COL21A1: variants seen among roughly 807,000 people sequenced by gnomAD.
COL21A1 encodes the protein collagen alpha-1(XXI) chain.
Under a neutral mutation model 137.9 loss-of-function variants are expected in COL21A1, and 149 were observed. That is an observed-to-expected ratio of 1.08 (90% CI 0.95 to 1.24). The LOEUF (loss-of-function observed/expected upper bound fraction) is 1.24, where lower values mean the gene tolerates loss of function less well. Among genes scored for constraint, COL21A1 ranks in the 50% most tolerant of loss-of-function variants. The pLI, the probability that COL21A1 is intolerant of heterozygous loss-of-function variation, is 0.00. For synonymous variants in COL21A1, 456 were observed against 391.5 expected (o/e 1.16, Z -1.95); for missense variants, 1,167 against 1,158.4 (o/e 1.01, Z -0.11).
chr6:56,326,957 G>A (rs1216272343), intron 1 of COL21A1, among the ~76,000 whole-genome samples: 1 of 151,924 alleles, frequency 6.6e-6, no homozygotes, highest in Admixed American at 6.6e-5. Context: ...CAGAAAAGGG[G>A]GAATTCTTAC....
At chr6:56,256,642 A>G (rs1021366018) in intron 1 of COL21A1, among the ~76,000 whole-genome samples, 1 of 152,168 alleles carries the variant, frequency 6.6e-6, no homozygotes, top group African/African-American at 2.4e-5. Flanking sequence ...ATATAGACTT[A>G]AGATTTTCAA....
At chr6:56,118,415 A>G (rs1425809850) in intron 16 of COL21A1, among the ~76,000 whole-genome samples, 1 of 152,038 alleles carries the variant, frequency 6.6e-6, no homozygotes, top group Non-Finnish European at 1.5e-5. Flanking sequence ...ACCAATAACA[A>G]GTAACAAGAT....
At chr6:56,097,674 T>A (rs1319272956) in intron 17 of COL21A1, among the ~76,000 whole-genome samples, 1 of 147,948 alleles carries the variant, frequency 6.8e-6, no homozygotes, top group African/African-American at 2.5e-5. Context: ...CAAATCAGTG[T>A]CTGCTTGGCG....
At chr6:56,390,187 C>CAAAGTT (rs3031080) in intron 1 of COL21A1, among the ~76,000 whole-genome samples, 50,228 of 151,438 alleles carry the variant, frequency 0.33, 9,025 homozygotes, top group East Asian at 0.62. Context: ...AGGTAGGAGA[C>CAAAGTT]AAAGTGCAGA....
At chr6:56,250,637 C>T (rs1782834039), upstream of COL21A1, among the ~76,000 whole-genome samples, 1 of 152,176 alleles carries the variant, frequency 6.6e-6, no homozygotes, top group African/African-American at 2.4e-5. Flanking sequence ...AGACTCTCAG[C>T]AGACAATCCA....
At chr6:56,210,754 A>G (rs1000713045) in intron 1 of COL21A1, among the ~76,000 whole-genome samples, 2 of 152,164 alleles carry the variant, frequency 1.3e-5, no homozygotes, top group African/African-American at 4.8e-5. Flanking sequence ...AAATAAAAGA[A>G]ATTCAGTACT....
At chr6:56,114,851 C>A (rs559565031) in intron 16 of COL21A1, among the ~76,000 whole-genome samples, 58 of 145,746 alleles carry the variant, frequency 4.0e-4, no homozygotes, top group African/African-American at 1.4e-3. Flanking sequence ...ATAAATCATG[C>A]TGCTATAAAG....
At chr6:56,289,369 G>A (rs1039021342) in intron 1 of COL21A1, among the ~76,000 whole-genome samples, 19 of 152,288 alleles carry the variant, frequency 1.2e-4, no homozygotes, top group African/African-American at 4.3e-4. Flanking sequence ...GAGAATCCTT[G>A]CAGCTTGTAC....
At chr6:56,199,479 A>T (rs772146440) in intron 1 of COL21A1, among the ~76,000 whole-genome samples, 24 of 152,264 alleles carry the variant, frequency 1.6e-4, no homozygotes, top group Non-Finnish European at 2.6e-4. Context: ...TTAACTAACT[A>T]TAACTTAAAG....
intron 17 of COL21A1, among the ~76,000 whole-genome samples, chr6:56,100,067 G>T (rs1255103366): frequency 6.6e-6 from 1 of 152,186 alleles, no homozygotes; most frequent in Admixed American, 6.5e-5. Context: ...TGCAGTCAAG[G>T]TTCTCCATTT....
At chr6:56,326,954 G>T (rs2152342898) in intron 1 of COL21A1, among the ~76,000 whole-genome samples, 1 of 152,114 alleles carries the variant, frequency 6.6e-6, no homozygotes, top group East Asian at 1.9e-4. Flanking sequence ...TAACAGAAAA[G>T]GGGGAATTCT....
chr6:56,220,647 G>A (rs980048681), intron 1 of COL21A1, among the ~76,000 whole-genome samples: 1 of 152,142 alleles, frequency 6.6e-6, no homozygotes, highest in Non-Finnish European at 1.5e-5. Flanking sequence ...CCGAGAAGAG[G>A]AAACTTGCTA....
intron 24 of COL21A1, among the ~76,000 whole-genome samples, chr6:56,062,191 T>A (rs1237333103): frequency 6.6e-6 from 1 of 152,124 alleles, no homozygotes. Context: ...CCAGCTGTCC[T>A]GTGCTTAAAC....
At chr6:56,143,893 T>C (rs1353970986) in intron 10 of COL21A1, among the ~76,000 whole-genome samples, 2 of 152,148 alleles carry the variant, frequency 1.3e-5, no homozygotes, top group South Asian at 2.1e-4. Context: ...TACATGAACG[T>C]GTAAAAAAAA....
intron 1 of COL21A1, among the ~76,000 whole-genome samples, chr6:56,270,552 A>C (rs748097446): frequency 2.6e-5 from 4 of 152,178 alleles, no homozygotes; most frequent in Non-Finnish European, 5.9e-5. Context: ...TAAATTCAAC[A>C]CTCAACTAAT....
intron 23 of COL21A1, among the ~76,000 whole-genome samples, chr6:56,066,382 C>T (rs1766247342): frequency 6.6e-6 from 1 of 151,788 alleles, no homozygotes; most frequent in South Asian, 2.1e-4. Flanking sequence ...TTGAAATTTT[C>T]TGTTACGATT....
At chr6:56,168,367 T>G in intron 5 of COL21A1, 70 bp from the exon 6 acceptor site, 1 of 1,270,438 alleles carries the variant, frequency 7.9e-7, no homozygotes, top group South Asian at 2.0e-5. Flanking sequence ...TTGTTCTTAC[T>G]CCCTTGTTCC....
intron 5 of COL21A1, 92 bp from the exon 6 acceptor site, chr6:56,168,389 G>T: frequency 9.2e-7 from 1 of 1,082,070 alleles, no homozygotes; most frequent in Non-Finnish European, 1.3e-6. Context: ...AACCATTGCT[G>T]AGAAACTTCA....
chr6:56,358,348 A>C (rs1383328887), intron 1 of COL21A1, among the ~76,000 whole-genome samples: 2 of 152,168 alleles, frequency 1.3e-5, no homozygotes, highest in African/African-American at 4.8e-5. Context: ...GTAAAAAAAA[A>C]ACCCCAAACC....
Sources: allele counts gnomAD v4.1 joint callset (sites outside exome capture counted in the v4.1 genomes callset), GRCh38; gene constraint gnomAD v4.1.1; transcripts MANE v1.5; gene names NCBI Gene and HGNC (gene_info 2026-07-23, HGNC 2026-07-21).